EPHA6: variants seen among roughly 807,000 people sequenced by gnomAD.
The protein encoded by EPHA6 is EPH receptor A6.
Under a neutral mutation model 112.0 loss-of-function variants are expected in EPHA6, and 50 were observed. The observed-to-expected ratio is 0.45, with a 90% CI of 0.36 to 0.56. EPHA6 has a LOEUF of 0.56. Ranked by LOEUF, EPHA6 falls within the 20% of genes least tolerant of loss-of-function variation. EPHA6 has a pLI of 0.00. For missense variants in EPHA6, 1,280 were observed against 1,417.4 expected (o/e 0.90, Z 1.56); for synonymous variants, 529 against 490.7 (o/e 1.08, Z -1.03).
At chr3:97,716,122 C>T (rs970731361) in intron 14 of EPHA6, among the ~76,000 whole-genome samples, 1 of 152,030 alleles carries the variant, frequency 6.6e-6, no homozygotes, top group East Asian at 1.9e-4. Flanking sequence ...TGTTCATTCC[C>T]GAAACCTGAA....
At chr3:97,286,579 C>T (rs773968607) in intron 5 of EPHA6, among the ~76,000 whole-genome samples, 24 of 151,958 alleles carry the variant, frequency 1.6e-4, no homozygotes, top group Admixed American at 2.6e-4. Flanking sequence ...TTCTTTATTC[C>T]ATTCCATTGG....
At chr3:96,818,194 A>C (rs551660827) in intron 1 of EPHA6, among the ~76,000 whole-genome samples, 160 of 152,098 alleles carry the variant, frequency 1.1e-3, no homozygotes, top group Non-Finnish European at 1.1e-3. Context: ...ATAAAACACA[A>C]TCTTGCTTCA....
chr3:97,104,002 C>G (rs1044425611), intron 3 of EPHA6, among the ~76,000 whole-genome samples: 4 of 152,018 alleles, frequency 2.6e-5, no homozygotes, highest in African/African-American at 9.7e-5. Context: ...ATTTTGTATC[C>G]TGAAACTTTG....
At chr3:97,118,083 C>A (rs1559739199) in intron 3 of EPHA6, among the ~76,000 whole-genome samples, 1 of 151,702 alleles carries the variant, frequency 6.6e-6, no homozygotes, top group Non-Finnish European at 1.5e-5. Flanking sequence ...AGTTGAAATT[C>A]ATTAATTTGA....
chr3:97,616,728 A>G (rs2093769723), intron 13 of EPHA6, among the ~76,000 whole-genome samples: 1 of 152,170 alleles, frequency 6.6e-6, no homozygotes, highest in African/African-American at 2.4e-5. Flanking sequence ...AGACAAGAAT[A>G]GAGAAAAAAA....
chr3:96,910,060 T>C (rs945703761), intron 2 of EPHA6, among the ~76,000 whole-genome samples: 1 of 152,000 alleles, frequency 6.6e-6, no homozygotes, highest in Admixed American at 6.6e-5. Context: ...GCCAATAAAG[T>C]CTTTCTTATA....
At chr3:97,440,369 A>G (rs1245911611) in intron 6 of EPHA6, among the ~76,000 whole-genome samples, 1 of 152,022 alleles carries the variant, frequency 6.6e-6, no homozygotes, top group Non-Finnish European at 1.5e-5. Context: ...AGAATTTTCT[A>G]AAGAGTTTGA....
At chr3:96,889,020 G>A (rs1313774057) in intron 2 of EPHA6, among the ~76,000 whole-genome samples, 2 of 152,002 alleles carry the variant, frequency 1.3e-5, no homozygotes, top group African/African-American at 4.8e-5. Context: ...CATGTTCAAA[G>A]TTCCACAAAT....
chr3:97,044,471 C>T (rs1464343284), intron 3 of EPHA6, among the ~76,000 whole-genome samples: 1 of 152,184 alleles, frequency 6.6e-6, no homozygotes, highest in East Asian at 1.9e-4. Context: ...TATCCTACAA[C>T]TTTCTTAAGG....
chr3:97,264,024 G>A (rs1310480648), intron 5 of EPHA6, among the ~76,000 whole-genome samples: 1 of 152,168 alleles, frequency 6.6e-6, no homozygotes, highest in Non-Finnish European at 1.5e-5. Context: ...TCTGTAAAGA[G>A]CAAGATAGTA....
chr3:97,182,044 A>C (rs1315572976), intron 3 of EPHA6, among the ~76,000 whole-genome samples: 1 of 152,092 alleles, frequency 6.6e-6, no homozygotes, highest in Non-Finnish European at 1.5e-5. Context: ...TTGCAGATGA[A>C]TCATTCTGGT....
At chr3:97,226,839 T>G (rs1225747370) in intron 4 of EPHA6, among the ~76,000 whole-genome samples, 2 of 152,214 alleles carry the variant, frequency 1.3e-5, no homozygotes, top group East Asian at 1.9e-4. Flanking sequence ...GAGGAAACTT[T>G]AAAAGTCATT....
At chr3:96,993,298 C>CTT (rs534627735) in intron 3 of EPHA6, among the ~76,000 whole-genome samples, 2 of 141,178 alleles carry the variant, frequency 1.4e-5, no homozygotes, top group African/African-American at 2.6e-5. Flanking sequence ...ATCCCCCATT[C>CTT]TTTTTTTTTT....
At chr3:96,820,803 A>AT (rs2033194610) in intron 1 of EPHA6, among the ~76,000 whole-genome samples, 1 of 151,986 alleles carries the variant, frequency 6.6e-6, no homozygotes, top group South Asian at 2.1e-4. Flanking sequence ...ATATGTAGTT[A>AT]TTTTTTGTCA....
At chr3:97,031,547 T>G (rs1293979274) in intron 3 of EPHA6, among the ~76,000 whole-genome samples, 1 of 152,020 alleles carries the variant, frequency 6.6e-6, no homozygotes, top group Non-Finnish European at 1.5e-5. Flanking sequence ...AACCTACTCA[T>G]CTGACAAAGG....
chr3:97,337,639 A>G (rs1056671274), intron 5 of EPHA6, among the ~76,000 whole-genome samples: 2 of 152,136 alleles, frequency 1.3e-5, no homozygotes, highest in African/African-American at 4.8e-5. Flanking sequence ...TTTCCCACTT[A>G]TGGTAGCAAG....
intron 5 of EPHA6, among the ~76,000 whole-genome samples, chr3:97,271,505 G>A (rs1405040230): frequency 3.9e-5 from 6 of 152,062 alleles, no homozygotes; most frequent in Non-Finnish European, 2.9e-5. Flanking sequence ...TTACAGGCAC[G>A]CACCACCATA....
At chr3:97,060,992 A>G (rs2046004138) in intron 3 of EPHA6, among the ~76,000 whole-genome samples, 1 of 151,546 alleles carries the variant, frequency 6.6e-6, no homozygotes, top group African/African-American at 2.4e-5. Context: ...AATAAACCCA[A>G]GGATAAAAAG....
chr3:97,405,698 G>A (rs968516049), intron 6 of EPHA6, among the ~76,000 whole-genome samples: 3 of 151,886 alleles, frequency 2.0e-5, no homozygotes, highest in East Asian at 1.9e-4. Context: ...AGTTACAGTC[G>A]GCTATAATTT....
Sources: gnomAD v4.1 joint callset for allele counts (sites outside exome capture counted in the v4.1 genomes callset) on GRCh38, gnomAD v4.1.1 for gene constraint, MANE v1.5 for transcripts, NCBI Gene and HGNC (gene_info 2026-07-23, HGNC 2026-07-21) for gene names.